PPFIA2: variants seen among roughly 807,000 people sequenced by gnomAD.
The protein encoded by PPFIA2 is liprin-alpha-2.
A neutral mutation model predicts 175.5 loss-of-function variants in PPFIA2; 46 were observed. That is an observed-to-expected ratio of 0.26 (90% confidence interval 0.21 to 0.34). The LOEUF (loss-of-function observed/expected upper bound fraction) is 0.34. Ranked by LOEUF, PPFIA2 falls within the 10% of genes least tolerant of loss-of-function variation. The probability of loss-of-function intolerance (pLI) is 1.00; values close to 1 mark genes in which losing one functional copy is unlikely to be tolerated. For missense variants in PPFIA2, 1,179 were observed against 1,506.1 expected (o/e 0.78, Z 3.60); for synonymous variants, 568 against 511.4 (o/e 1.11, Z -1.49).
At chr12:81,508,540 A>AT (rs2061433884) in intron 4 of PPFIA2, among the ~76,000 whole-genome samples, 2 of 150,722 alleles carry the variant, frequency 1.3e-5, no homozygotes, top group African/African-American at 4.9e-5. Context: ...AAAAAAAAAA[A>AT]AAAAAGCTTT....
chr12:81,710,077 T>C (rs1332187939), intron 3 of PPFIA2, among the ~76,000 whole-genome samples: 2 of 152,172 alleles, frequency 1.3e-5, no homozygotes, highest in Middle Eastern at 3.4e-3. Context: ...AGTTTATTTT[T>C]TGTTGATTTC....
intron 4 of PPFIA2, among the ~76,000 whole-genome samples, chr12:81,664,189 G>A (rs895770284): frequency 1.8e-4 from 27 of 152,250 alleles, no homozygotes; most frequent in African/African-American, 6.0e-4. Context: ...ATTGGCAAAT[G>A]GGATCTAATT....
At chr12:81,745,419 C>G (rs1179481980) in intron 3 of PPFIA2, among the ~76,000 whole-genome samples, 1 of 152,166 alleles carries the variant, frequency 6.6e-6, no homozygotes, top group African/African-American at 2.4e-5. Context: ...GGAAAGACCA[C>G]AGTGGCATGT....
At chr12:81,709,322 A>G (rs1211728412) in intron 3 of PPFIA2, among the ~76,000 whole-genome samples, 1 of 152,006 alleles carries the variant, frequency 6.6e-6, no homozygotes, top group Admixed American at 6.6e-5. Flanking sequence ...GTAGGAAGGG[A>G]ATTATTCCTT....
intron 4 of PPFIA2, among the ~76,000 whole-genome samples, chr12:81,489,865 C>T (rs1164098973): frequency 6.6e-6 from 1 of 151,902 alleles, no homozygotes; most frequent in East Asian, 1.9e-4. Context: ...TTATATGCTA[C>T]CTGTATTTCA....
At chr12:81,683,427 G>T (rs1181775748) in intron 3 of PPFIA2, among the ~76,000 whole-genome samples, 1 of 151,682 alleles carries the variant, frequency 6.6e-6, no homozygotes, top group African/African-American at 2.4e-5. Flanking sequence ...TCTCCACATA[G>T]TAGCCCAACT....
At position 81,339,303 on chromosome 12, in the gene PPFIA2, G is replaced by T; in HGVS notation, c.2425C>A (p.Leu809Ile). 6.2e-7 allele frequency: 1 copy of T among 1,604,982 alleles called. No individual in the cohort carries two copies. Among genetic ancestry groups the T allele is most frequent in the Non-Finnish European group, 8.5e-7 (1 of 1,175,940 alleles). The change falls in exon 21 of 33, where the codon CTC becomes ATC. Residue 809 changes from leucine to isoleucine, a missense_variant. Leu to Ile is a conservative substitution (Grantham distance 5, BLOSUM62 2). Coordinates refer to ENST00000549396, the MANE Select transcript of PPFIA2 (RefSeq NM_003625.5). ...SLSVSLEPESLGLGSANSSQD... is the reference protein window; with the variant it reads ...SLSVSLEPESIGLGSANSSQD... ...CTGCTGTTGGCACTACCAAGCCCGAGGCTTTCTGGCTCAAGAGAGACAGAT... is the reference window on the plus strand; with the variant it reads ...CTGCTGTTGGCACTACCAAGCCCGATGCTTTCTGGCTCAAGAGAGACAGAT...
chr12:81,644,934 T>C (rs2065850478), intron 4 of PPFIA2, among the ~76,000 whole-genome samples: 1 of 33,210 alleles, frequency 3.0e-5, no homozygotes, highest in African/African-American at 1.4e-4. Flanking sequence ...ATTTAGAGGT[T>C]TTAAAAGTTC....
intron 6 of PPFIA2, among the ~76,000 whole-genome samples, chr12:81,444,054 C>T (rs2145200432): frequency 6.6e-6 from 1 of 151,384 alleles, no homozygotes; most frequent in African/African-American, 2.4e-5. Context: ...TGGGGTTTCA[C>T]CGTGTTAGCC....
chr12:81,263,107 A>C (rs533755902), intron 31 of PPFIA2, 124 bp downstream of exon 31: 3 of 974,474 alleles, frequency 3.1e-6, no homozygotes, highest in East Asian at 5.3e-5. Context: ...ATGAGAGCAA[A>C]GTAAATTTCA....
chr12:81,481,549 G>A (rs2058230472), intron 4 of PPFIA2, among the ~76,000 whole-genome samples: 1 of 152,050 alleles, frequency 6.6e-6, no homozygotes, highest in South Asian at 2.1e-4. Context: ...AAAATACATA[G>A]ACCAATGGAA....
intron 4 of PPFIA2, among the ~76,000 whole-genome samples, chr12:81,522,960 A>C (rs1049402884): frequency 2.0e-5 from 3 of 152,172 alleles, no homozygotes; most frequent in Non-Finnish European, 4.4e-5. Context: ...TCAAGGACCC[A>C]GGCTGATGGA....
chr12:81,708,816 T>G (rs2077528949), intron 3 of PPFIA2, among the ~76,000 whole-genome samples: 1 of 152,184 alleles, frequency 6.6e-6, no homozygotes, highest in Non-Finnish European at 1.5e-5. Context: ...TTGAAAGCTT[T>G]ACAATTAGCT....
intron 4 of PPFIA2, among the ~76,000 whole-genome samples, chr12:81,474,122 G>T (rs900839662): frequency 6.6e-6 from 1 of 151,822 alleles, no homozygotes; most frequent in Non-Finnish European, 1.5e-5. Flanking sequence ...CATTTCCTTC[G>T]TGTAGAATTG....
chr12:81,568,484 G>T (rs1233436429), intron 4 of PPFIA2, among the ~76,000 whole-genome samples: 2 of 152,096 alleles, frequency 1.3e-5, no homozygotes, highest in Non-Finnish European at 2.9e-5. Context: ...TTCCTGAATG[G>T]GTGGCCGGCC....
chr12:81,510,723 CTG>C (rs1464757693), intron 4 of PPFIA2, among the ~76,000 whole-genome samples: 1 of 152,004 alleles, frequency 6.6e-6, no homozygotes, highest in Non-Finnish European at 1.5e-5. Context: ...TCACTCTTAA[CTG>C]TTTTTTAAAA....
At chr12:81,317,576 T>G (rs893469708) in intron 22 of PPFIA2, among the ~76,000 whole-genome samples, 9 of 151,342 alleles carry the variant, frequency 5.9e-5, no homozygotes, top group Admixed American at 5.3e-4. Context: ...GAGGAAGAAT[T>G]AGGACAAGGA....
chr12:81,475,474 G>A (rs1489049438), intron 4 of PPFIA2, among the ~76,000 whole-genome samples: 1 of 151,882 alleles, frequency 6.6e-6, no homozygotes, highest in African/African-American at 2.4e-5. Context: ...TTTAAAATTC[G>A]AGAATACAAT....
chr12:81,294,814 G>A, intron 24 of PPFIA2, 21 bp downstream of exon 24: 1 of 1,607,964 alleles, frequency 6.2e-7, no homozygotes, highest in Non-Finnish European at 8.5e-7. Flanking sequence ...TGAGGAAGGG[G>A]AGGAGCAGAA....
Sources: allele counts gnomAD v4.1 joint callset (sites outside exome capture counted in the v4.1 genomes callset), GRCh38; gene constraint gnomAD v4.1.1; transcripts MANE v1.5; gene names NCBI Gene and HGNC (gene_info 2026-07-23, HGNC 2026-07-21).